The following AOPEP variants were observed in gnomAD, a reference collection of about 807,000 sequenced individuals.
AOPEP encodes the protein aminopeptidase O.
Under a neutral mutation model 98.1 loss-of-function variants are expected in AOPEP, and 77 were observed. The observed-to-expected ratio is 0.78, with a 90% confidence interval of 0.65 to 0.95. The LOEUF (loss-of-function observed/expected upper bound fraction) is 0.95, where lower values mean the gene tolerates loss of function less well. AOPEP is among the 40% of genes least tolerant of loss of function. The pLI, the probability that AOPEP is intolerant of heterozygous loss-of-function variation, is 0.00. For missense variants in AOPEP, 1,024 were observed against 1,024.7 expected (o/e 1.00, Z 0.01); for synonymous variants, 346 against 365.3 (o/e 0.95, Z 0.60).
intron 5 of AOPEP, among the ~76,000 whole-genome samples, chr9:94,841,717 A>G (rs941138158): frequency 1.3e-5 from 2 of 152,118 alleles, no homozygotes; most frequent in Non-Finnish European, 2.9e-5. Flanking sequence ...GTCTCAGGAT[A>G]TGGTGTATCT....
intron 5 of AOPEP, among the ~76,000 whole-genome samples, chr9:94,877,464 C>T (rs551218530): frequency 2.9e-4 from 44 of 150,904 alleles, no homozygotes; most frequent in Admixed American, 2.6e-3. Flanking sequence ...GCTGTGTCGC[C>T]CAGGCTGGAG....
chr9:94,834,272 G>T (rs180944989), intron 5 of AOPEP, among the ~76,000 whole-genome samples: 10 of 152,300 alleles, frequency 6.6e-5, no homozygotes, highest in African/African-American at 2.4e-4. Flanking sequence ...AAGATACATT[G>T]CAAGGAAAAG....
Position 94,960,728 on chromosome 9 carries a change from G to T in AOPEP, c.1872+4713G>T, listed in dbSNP as rs548034554. Among the ~76,000 whole-genome samples the T allele has an allele frequency of 2.0e-5, 3 of 151,962 alleles. No homozygotes were observed. In the East Asian group the frequency reaches 5.8e-4, roughly 30 times the overall value. ...GAGTTCTTACTGCGTAAGAATGCTT[G>T]TGGGCCGGGTGCGGTGGCTCACGCC... On this transcript the variant is annotated intron_variant, in intron 9 of 16. Transcript: ENST00000375315.
At chr9:95,038,143 A>G (rs2064991125) in intron 13 of AOPEP, among the ~76,000 whole-genome samples, 1 of 152,148 alleles carries the variant, frequency 6.6e-6, no homozygotes, top group African/African-American at 2.4e-5. Context: ...TTCTGGGGAG[A>G]AAAAATGGGC....
intron 4 of AOPEP, among the ~76,000 whole-genome samples, chr9:94,799,433 A>C (rs1429723065): frequency 1.3e-5 from 2 of 151,444 alleles, no homozygotes; most frequent in Admixed American, 6.6e-5. Context: ...TGGATGTGGC[A>C]TGGCAACATG....
chr9:94,830,150 A>C (rs1219594613), intron 5 of AOPEP, among the ~76,000 whole-genome samples: 1 of 152,136 alleles, frequency 6.6e-6, no homozygotes, highest in African/African-American at 2.4e-5. Context: ...CCTAGGTATT[A>C]AGCCCAGCAT....
the AOPEP span, among the ~76,000 whole-genome samples, chr9:95,126,168 A>C: frequency 6.6e-6 from 1 of 152,230 alleles, no homozygotes; most frequent in Admixed American, 6.5e-5. Context: ...TCTTTTAAAA[A>C]TATTGGTCAG....
At chr9:95,095,679 G>A in the AOPEP span, among the ~76,000 whole-genome samples, 52 of 152,280 alleles carry the variant, frequency 3.4e-4, no homozygotes, top group Middle Eastern at 3.4e-3. Context: ...GAGATGCGTG[G>A]GGGGTCCCCA....
At chr9:94,988,509 G>A (rs78895355) in intron 11 of AOPEP, among the ~76,000 whole-genome samples, 11,747 of 152,210 alleles carry the variant, frequency 0.077, 1,143 homozygotes, top group African/African-American at 0.22. Context: ...GTATGACACC[G>A]TAGAGAGAAA....
intron 5 of AOPEP, among the ~76,000 whole-genome samples, chr9:94,896,125 C>A (rs1163141209): frequency 6.6e-6 from 1 of 151,950 alleles, no homozygotes; most frequent in Non-Finnish European, 1.5e-5. Flanking sequence ...ATAGGAAAAC[C>A]AAGATGATCA....
At chr9:94,837,274 C>G (rs1183322559) in intron 5 of AOPEP, among the ~76,000 whole-genome samples, 1 of 151,818 alleles carries the variant, frequency 6.6e-6, no homozygotes, top group African/African-American at 2.4e-5. Context: ...AAAAAATTAC[C>G]AACAAAAAAA....
intron 14 of AOPEP, among the ~76,000 whole-genome samples, chr9:95,074,995 G>A (rs937645613): frequency 2.0e-5 from 3 of 152,278 alleles, no homozygotes; most frequent in South Asian, 2.1e-4. Context: ...TCACTGCCAC[G>A]GGCAGCTCTG....
At chr9:94,853,965 G>A (rs1588552856) in intron 5 of AOPEP, among the ~76,000 whole-genome samples, 1 of 152,176 alleles carries the variant, frequency 6.6e-6, no homozygotes, top group East Asian at 1.9e-4. Context: ...CTTAGCACAT[G>A]CGCAGCACTT....
chr9:94,926,711 G>A (rs1412214109), intron 6 of AOPEP, among the ~76,000 whole-genome samples: 3 of 151,976 alleles, frequency 2.0e-5, no homozygotes, highest in Non-Finnish European at 4.4e-5. Flanking sequence ...CAGGGCATGA[G>A]GATACAGGGT....
downstream of AOPEP, chr9:95,087,257 G>A (rs914774355): frequency 6.6e-6 from 1 of 151,862 alleles, no homozygotes; most frequent in African/African-American, 2.4e-5. Context: ...GGCCGAGGTG[G>A]GTGGATCACG....
At chr9:95,027,058 C>T (rs1452048322) in intron 13 of AOPEP, among the ~76,000 whole-genome samples, 5 of 152,114 alleles carry the variant, frequency 3.3e-5, no homozygotes, top group African/African-American at 1.2e-4. Context: ...CCTAGGAGTT[C>T]GAGACCAGCC....
chr9:94,879,695 A>C (rs760451622), intron 5 of AOPEP, among the ~76,000 whole-genome samples: 23 of 152,234 alleles, frequency 1.5e-4, no homozygotes, highest in Non-Finnish European at 3.2e-4. Flanking sequence ...GCGATAACTG[A>C]ATAAAGTCCA....
chr9:95,063,862 C>T (rs1042691596), intron 14 of AOPEP, among the ~76,000 whole-genome samples: 18 of 151,802 alleles, frequency 1.2e-4, no homozygotes, highest in African/African-American at 4.4e-4. Context: ...TGCTCGTGTG[C>T]ACGTGAGCGG....
chr9:95,099,411 C>T, the AOPEP span: 93 of 227,532 alleles, frequency 4.1e-4, 1 homozygote, highest in Admixed American at 3.4e-4. Context: ...CCGCCAACGC[C>T]GTCAAGGCCC....
Sources: gnomAD v4.1 joint callset for allele counts (sites outside exome capture counted in the v4.1 genomes callset) on GRCh38, gnomAD v4.1.1 for gene constraint, MANE v1.5 for transcripts, NCBI Gene and HGNC (gene_info 2026-07-23, HGNC 2026-07-21) for gene names.